The following TXNRD3 variants were observed in gnomAD, a reference collection of about 807,000 sequenced individuals.
TXNRD3 encodes thioredoxin reductase 3, also known as TXNRD3 neighbor gene protein.
Under a neutral mutation model 78.2 loss-of-function variants are expected in TXNRD3, and 68 were observed. The observed-to-expected ratio is 0.87, with a 90% confidence interval of 0.72 to 1.06. The LOEUF (loss-of-function observed/expected upper bound fraction) is 1.06. Ranked by LOEUF, TXNRD3 falls within the 50% of genes least tolerant of loss-of-function variation. The pLI is 0.00. For synonymous variants in TXNRD3, 296 were observed against 300.1 expected, an observed-to-expected ratio of 0.99 and a Z score of 0.14; for missense variants, 751 against 809.5, an observed-to-expected ratio of 0.93 and a Z score of 0.88.
chr3:126,618,488 G>A lies in TXNRD3; in HGVS notation c.1525-3026C>T, dbSNP rs375774609. Among the ~76,000 whole-genome samples the A allele has an allele frequency of 8.5e-5, 13 of 152,098 alleles. No homozygotes were observed. The East Asian group carries it at 2.5e-3, about 29-fold the overall frequency. On this transcript the variant is annotated intron_variant, in intron 12 of 15. Transcript: ENST00000524230. ...CTGGAGAAAGGACATCATATTTAGT[G>A]AATGGTAGTGGGAAAACAGTATATG...
At chr3:126,648,527 C>G (rs1412164299) in intron 1 of TXNRD3, among the ~76,000 whole-genome samples, 1 of 152,138 alleles carries the variant, frequency 6.6e-6, no homozygotes, top group African/African-American at 2.4e-5. Context: ...CCAGAAAGGA[C>G]AGAAATAAAG....
chr3:126,617,544 C>T (rs1037602600), intron 12 of TXNRD3, among the ~76,000 whole-genome samples: 1 of 152,112 alleles, frequency 6.6e-6, no homozygotes, highest in East Asian at 1.9e-4. Context: ...ATGGAGAATC[C>T]GTGCCCAAAC....
intron 7 of TXNRD3, among the ~76,000 whole-genome samples, chr3:126,632,263 A>G (rs1938735659): frequency 6.6e-6 from 1 of 152,240 alleles, no homozygotes; most frequent in African/African-American, 2.4e-5. Context: ...GGGTTGTGTC[A>G]GAAGTCACAT....
At chr3:126,630,459 C>T (rs908177117) in intron 9 of TXNRD3, among the ~76,000 whole-genome samples, 1 of 152,050 alleles carries the variant, frequency 6.6e-6, no homozygotes, top group African/African-American at 2.4e-5. Flanking sequence ...AAACTACTAA[C>T]TGAAGATGGA....
intron 6 of TXNRD3, among the ~76,000 whole-genome samples, chr3:126,635,716 AT>A (rs1261188585): frequency 2.6e-5 from 4 of 152,106 alleles, no homozygotes; most frequent in Non-Finnish European, 5.9e-5. Context: ...AGCATAGTAA[AT>A]TTTTTGTTAT....
In TXNRD3 at chr3:126,655,072, G is replaced by T. The variant is rs971265752; in HGVS notation, c.-82C>A. On this transcript the variant is annotated 5_prime_UTR_variant, in exon 1 of 16. Coordinates refer to ENST00000524230, the MANE Select transcript of TXNRD3 (RefSeq NM_052883.3). ...GCTGCGGCGCCGGGACGGGGCCTGA[G>T]GGGCGGCGAACGCTGCCCTCGCTGG... 5 of 1,298,428 alleles carry T rather than the reference G, an allele frequency of 3.9e-6. No individual in the cohort carries two copies. Among genetic ancestry groups the T allele is most frequent in the Middle Eastern group, 2.5e-4 (1 of 4,010 alleles). 80.4% of individuals were successfully genotyped at this position (1,298,428 alleles called of 1,614,324 possible).
chr3:126,639,308 C>G (rs138667898), intron 6 of TXNRD3, among the ~76,000 whole-genome samples: 1 of 152,332 alleles, frequency 6.6e-6, no homozygotes, highest in African/African-American at 2.4e-5. Context: ...CAAACTCCTC[C>G]TGGCTTCTGT....
Position 126,654,855 on chromosome 3 carries a change from T to G in TXNRD3, c.136A>C (p.Ser46Arg). 7.4e-7 allele frequency: 1 copy of G among 1,354,564 alleles called. No individual in the cohort carries two copies. Among genetic ancestry groups the G allele is most frequent in the Non-Finnish European group, 9.4e-7 (1 of 1,059,848 alleles). 83.9% of individuals were successfully genotyped at this position (1,354,564 alleles called of 1,614,324 possible). The stretch of plus-strand genomic sequence containing the variant: ...TCCTCGCGGGCCTCGGACGAGCGGC[T>G]GGGCCCGGGGGACGACAGGCGGGCA... The change falls in exon 1 of 16, where the codon AGC becomes CGC. Residue 46 changes from serine to arginine, a missense_variant. Ser to Arg is a moderately radical substitution (Grantham distance 110). Coordinates refer to ENST00000524230, the MANE Select transcript of TXNRD3 (RefSeq NM_052883.3).
chr3:126,628,731 A>G (rs771792976), intron 10 of TXNRD3, among the ~76,000 whole-genome samples: 1 of 152,122 alleles, frequency 6.6e-6, no homozygotes, highest in African/African-American at 2.4e-5. Flanking sequence ...TATTGCAAAG[A>G]AGTCAAGTGT....
At chr3:126,614,365 C>A (rs1446325469) in intron 13 of TXNRD3, among the ~76,000 whole-genome samples, 1 of 152,142 alleles carries the variant, frequency 6.6e-6, no homozygotes, top group African/African-American at 2.4e-5. Context: ...GTCTGGGATA[C>A]AGGCTTGTAC....
intron 10 of TXNRD3, among the ~76,000 whole-genome samples, chr3:126,622,920 C>T (rs1938491251): frequency 6.6e-6 from 1 of 152,124 alleles, no homozygotes. Context: ...ATGGGCAACA[C>T]AGACCAAAGG....
chr3:126,638,794 T>C lies in TXNRD3; in HGVS notation c.712+3238A>G, dbSNP rs532507061. 2.0e-5 allele frequency among the ~76,000 whole-genome samples: 3 copies of C among 152,176 alleles called. No homozygotes were observed. The South Asian group carries it at 6.2e-4, about 32-fold the overall frequency. The stretch of plus-strand genomic sequence containing the variant: ...GGGGGAACTTTGAGGAAGCTAATTA[T>C]AAGATTTTACCCATTCAAGGAAATT... On this transcript the variant is annotated intron_variant, in intron 6 of 15. Transcript: ENST00000524230.
intron 14 of TXNRD3, chr3:126,609,056 T>A (rs1239175462): frequency 3.3e-6 from 1 of 303,606 alleles, no homozygotes; most frequent in African/African-American, 2.2e-5. Context: ...CAACATCAAG[T>A]GGAGACAAAG....
intron 13 of TXNRD3, among the ~76,000 whole-genome samples, chr3:126,614,983 G>A (rs530325225): frequency 1.1e-4 from 17 of 152,212 alleles, no homozygotes; most frequent in South Asian, 4.1e-4. Context: ...TTGGAAATCT[G>A]AAGAGCCCAC....
rs1020426656 is a variant in TXNRD3 at position 126,654,973 on chromosome 3, C to A, written c.18G>T (p.Pro6=). Residue 6 remains proline (P), a synonymous_variant, in exon 1 of 16, where the codon CCG becomes CCT. Coordinates refer to ENST00000524230, the MANE Select transcript of TXNRD3 (RefSeq NM_052883.3). ...CCGCCTTTCCCGGCCCGGGCGACTGCGGCGGCGACCGCTCCAGAGTCTCGC... is the reference window on the plus strand; with the variant it reads ...CCGCCTTTCCCGGCCCGGGCGACTGAGGCGGCGACCGCTCCAGAGTCTCGC... 1 of 1,300,458 alleles carries A rather than the reference C, an allele frequency of 7.7e-7. No homozygotes were observed. The highest frequency in any genetic ancestry group is 9.7e-7 in the Non-Finnish European group (1 of 1,028,922). The allele number at this position is 1,300,458 out of a possible 1,614,324, so 80.6% of individuals were successfully genotyped here.
chr3:126,639,838 T>C (rs1933017265), intron 6 of TXNRD3, among the ~76,000 whole-genome samples: 1 of 152,096 alleles, frequency 6.6e-6, no homozygotes, highest in South Asian at 2.1e-4. Context: ...GAACAATCCT[T>C]CTACCTCAGC....
In TXNRD3 at chr3:126,647,235, C is replaced by A; in HGVS notation, c.304+1G>T. 1 of 1,534,170 alleles carries A rather than the reference C, an allele frequency of 6.5e-7. No homozygotes were observed. Among genetic ancestry groups the A allele is most frequent in the Non-Finnish European group, 8.7e-7 (1 of 1,145,838 alleles). On this transcript the variant is annotated splice_donor_variant, in intron 2 of 15. Coordinates refer to ENST00000524230, the MANE Select transcript of TXNRD3 (RefSeq NM_052883.3). LOFTEE classifies it high-confidence loss of function. ...CACTATGTTGTAACTGGTCTACTTA[C>A]CAACTTGATCAAGTTCCAAGACATT...
rs764463988 is a variant in TXNRD3 at position 126,631,806 on chromosome 3, C to T, written c.929G>A (p.Arg310Gln). The T allele has an allele frequency of 7.9e-5, 121 of 1,535,502 alleles. No individual in the cohort carries two copies. Among genetic ancestry groups the T allele is most frequent in the Non-Finnish European group, 1.0e-4 (119 of 1,146,576 alleles). ...TTTATCTCCTTGGATTCCTAAATAC[C>T]GTGGCCTTTCACCCGTTGCTATGAC... The change falls in exon 8 of 16, where the codon CGG (arginine) becomes CAG (glutamine). Residue 310 changes from arginine (R) to glutamine (Q), a missense_variant. Physicochemically the swap from Arg to Gln is conservative, Grantham distance 43. Transcript: ENST00000524230.
In TXNRD3 at chr3:126,633,939, A is replaced by G. The variant is rs770000509; in HGVS notation, c.825T>C (p.Tyr275=). 2.1e-5 allele frequency: 32 copies of G among 1,513,052 alleles called. No individual in the cohort carries two copies. In the East Asian group the frequency reaches 4.9e-4, roughly 23 times the overall value. 93.7% of individuals were successfully genotyped at this position (1,513,052 alleles called of 1,614,324 possible). Reference sequence around the variant, plus strand: ...TTTTATGATGTTCAACAAATTCTCCATAGGAATTGACATAGGCCACAGCCT... The same window carrying G: ...TTTTATGATGTTCAACAAATTCTCCGTAGGAATTGACATAGGCCACAGCCT... The change falls in exon 7 of 16, where the codon TAT becomes TAC. Residue 275 remains tyrosine, a synonymous_variant. Transcript: ENST00000524230.
Sources: allele counts gnomAD v4.1 joint callset (sites outside exome capture counted in the v4.1 genomes callset), GRCh38; gene constraint gnomAD v4.1.1; transcripts MANE v1.5; gene names NCBI Gene and HGNC (gene_info 2026-07-23, HGNC 2026-07-21).